The following DNAH2 variants were observed in gnomAD, a reference collection of about 807,000 sequenced individuals.
The protein encoded by DNAH2 is dynein axonemal heavy chain 2.
A neutral mutation model predicts 523.5 loss-of-function variants in DNAH2; 323 were observed. The observed-to-expected ratio is 0.62, with a 90% CI of 0.56 to 0.68. The LOEUF is 0.68. DNAH2 is among the 30% of genes least tolerant of loss of function. DNAH2 has a pLI of 0.00. For synonymous variants in DNAH2, 2,093 were observed against 2,177.4 expected (o/e 0.96, Z 1.08); for missense variants, 4,907 against 5,701.5 (o/e 0.86, Z 4.49).
rs780845379 is a variant in DNAH2 at position 7,816,697 on chromosome 17, T to C, written c.9856T>C (p.Leu3286=). 7 of 1,613,952 alleles carry C rather than the reference T, an allele frequency of 4.3e-6. No individual in the cohort carries two copies. Among genetic ancestry groups the C allele is most frequent in the Non-Finnish European group, 5.9e-6 (7 of 1,179,986 alleles). Residue 3286 remains leucine (L), a synonymous_variant, in exon 64 of 86, where the codon TTG becomes CTG. Coordinates refer to ENST00000572933, the MANE Select transcript of DNAH2 (RefSeq NM_020877.5). ...LERAGMLVSG[L]AGEKARWEET... ...GCGAGCTGGGATGCTCGTGTCGGGGTTGGCTGGCGAGAAGGCCAGATGGGA... is the reference window on the plus strand; with the variant it reads ...GCGAGCTGGGATGCTCGTGTCGGGGCTGGCTGGCGAGAAGGCCAGATGGGA...
At chr17:7,787,229 A>T in intron 42 of DNAH2, 196 bp downstream of exon 42, 1 of 719,460 alleles carries the variant, frequency 1.4e-6, no homozygotes, top group African/African-American at 1.8e-5. Flanking sequence ...GAGAACAATG[A>T]TAAGAAAAAC....
rs192277989 is a variant in DNAH2, at chr17:7,819,777, G to T, written c.11015+369G>T. On this transcript the variant is annotated intron_variant, in intron 72 of 85. Coordinates refer to ENST00000572933, the MANE Select transcript of DNAH2 (RefSeq NM_020877.5). ...CCAACAAGCTCCCAGGGGTGCCACTGCTCCTGGTCTGTGGATCACATTTGA... is the reference window on the plus strand; with the variant it reads ...CCAACAAGCTCCCAGGGGTGCCACTTCTCCTGGTCTGTGGATCACATTTGA... Among the ~76,000 whole-genome samples, 9 of 152,292 alleles carry T rather than the reference G, an allele frequency of 5.9e-5. No individual in the cohort carries two copies. In the East Asian group the frequency reaches 1.7e-3, roughly 29 times the overall value.
Position 7,755,471 on chromosome 17 carries a change from G to A in DNAH2, c.1905-1620G>A, listed in dbSNP as rs78069009. 2.8e-3 allele frequency among the ~76,000 whole-genome samples: 423 copies of A among 152,288 alleles called. 1 individual carries two copies. The highest frequency in any genetic ancestry group is 9.8e-3 in the African/African-American group (408 of 41,542). The stretch of plus-strand genomic sequence containing the variant: ...TGAGACAAAGTGAGTGAGGATTGGC[G>A]AGAGAGTGGCTAAAATAAAGGATAC... On this transcript the variant is annotated intron_variant, in intron 12 of 85. Transcript: ENST00000572933.
intron 21 of DNAH2, 25 bp from the exon 22 acceptor site, chr17:7,766,293 G>A (rs765450531): frequency 6.2e-7 from 1 of 1,603,918 alleles, no homozygotes; most frequent in Non-Finnish European, 8.5e-7. Context: ...GCGGGAAGCT[G>A]AGCTTCATCC....
Position 7,801,692 on chromosome 17 carries a change from C to T in DNAH2, c.8814C>T (p.Asp2938=). 1.9e-6 allele frequency: 3 copies of T among 1,614,112 alleles called. No homozygotes were observed. Among genetic ancestry groups the T allele is most frequent in the Non-Finnish European group, 2.5e-6 (3 of 1,180,040 alleles). ...CTGAGAAGTGCCTCATAGGAGTAGA[C>T]CTGGGAACTCAGGAGAATGTGAGCC... is the stretch of plus-strand genomic sequence containing the variant. ...EVAEKCLIGV[D]LGTQENIHRK... Residue 2938 remains aspartate (D), a synonymous_variant, in exon 57 of 86, where the codon GAC becomes GAT. Coordinates refer to ENST00000572933, the MANE Select transcript of DNAH2 (RefSeq NM_020877.5).
chr17:7,784,505 T>C (rs2076683734), intron 39 of DNAH2, among the ~76,000 whole-genome samples: 4 of 152,008 alleles, frequency 2.6e-5, no homozygotes, highest in Non-Finnish European at 4.4e-5. Context: ...ACTGTACCAC[T>C]GCACTCCAGC....
At chr17:7,727,033 CT>C in intron 3 of DNAH2, 88 bp from the exon 4 acceptor site, 2 of 1,393,144 alleles carry the variant, frequency 1.4e-6, no homozygotes, top group Non-Finnish European at 1.9e-6. Flanking sequence ...CTTCTCTCAT[CT>C]CCCATGTCCT....
chr17:7,772,917 C>T (rs772745946), intron 28 of DNAH2, among the ~76,000 whole-genome samples: 2 of 152,256 alleles, frequency 1.3e-5, no homozygotes, highest in South Asian at 4.1e-4. Context: ...GGACTACAGG[C>T]GTGTGCCACC....
Position 7,723,646 on chromosome 17 carries a change from C to G in DNAH2, c.185C>G (p.Pro62Arg). 6.2e-7 allele frequency: 1 copy of G among 1,613,976 alleles called. No individual in the cohort carries two copies. Among genetic ancestry groups the G allele is most frequent in the Non-Finnish European group, 8.5e-7 (1 of 1,179,960 alleles). The change falls in exon 3 of 86, where the codon CCT (proline) becomes CGT (arginine). Residue 62 changes from proline to arginine, a missense_variant. This residue lies in a region of DNAH2 where 2,806 missense variants were observed against 3,190.8 expected (regional missense o/e 0.88). Transcript: ENST00000572933. ...TTCCTAGAGCCACGGTTGGAGGGAC[C>G]TCAAGCACAGAGTGAAGAATCAGTG... ...KEEPEPRLEG[P>R]QAQSEESVEP...
At position 7,786,880 on chromosome 17, in the gene DNAH2, A is replaced by G. The variant is rs771201903; in HGVS notation, c.6467-17A>G. ...TGAGCGGCTCCCCGGTTTCCTCATC[A>G]CCCACCATCTACTCAGATGAGAAAC... On this transcript the variant is annotated splice_polypyrimidine_tract_variant and intron_variant, in intron 41 of 85. Transcript: ENST00000572933. This position sits in a 1 kb window ranked among gnomAD's most constrained non-coding sequence, Gnocchi z 7.5. The G allele has an allele frequency of 5.6e-6, 9 of 1,614,098 alleles. No homozygotes were observed. The Admixed American group carries it at 1.5e-4, about 27-fold the overall frequency.
Position 7,760,746 on chromosome 17 carries a change from A to C in DNAH2, c.2792A>C (p.Asp931Ala). The change falls in exon 18 of 86, where the codon GAT (aspartate) becomes GCT (alanine). Residue 931 changes from aspartate (D) to alanine (A), a missense_variant. Coordinates refer to ENST00000572933, the MANE Select transcript of DNAH2 (RefSeq NM_020877.5). This position sits in a 1 kb window ranked among gnomAD's most constrained non-coding sequence, Gnocchi z 4.0. ...REPIQTVVEQDEDIKKIQTQI... is the reference protein window; with the variant it reads ...REPIQTVVEQAEDIKKIQTQI... ...CTTTCTTGGTCCTTTGAAGAGCAAG[A>C]TGAGGACATCAAGAAGATCCAGACC... 5.6e-6 allele frequency: 9 copies of C among 1,613,554 alleles called. No homozygotes were observed. The highest frequency in any genetic ancestry group is 7.6e-6 in the Non-Finnish European group (9 of 1,179,688).
chr17:7,754,630 A>T lies in DNAH2; in HGVS notation c.1905-2461A>T, dbSNP rs2075784907. On this transcript the variant is annotated intron_variant, in intron 12 of 85. Coordinates refer to ENST00000572933, the MANE Select transcript of DNAH2 (RefSeq NM_020877.5). This position sits in a 1 kb window ranked among gnomAD's most constrained non-coding sequence, Gnocchi z 4.6. ...GCCCTCGTAAAGCCCAAGGAGGTTA[A>T]GCCCAAGATCCCAAAGGGTGTCAGC... 1.4e-6 allele frequency: 2 copies of T among 1,480,962 alleles called. No individual in the cohort carries two copies. The highest frequency in any genetic ancestry group is 3.4e-5 in the Admixed American group (2 of 59,650). The allele number at this position is 1,480,962 out of a possible 1,614,324, so 91.7% of individuals were successfully genotyped here. A position where few individuals can be genotyped will look rare whatever the true frequency, so the allele number is the denominator to read the frequency against.
At position 7,832,096 on chromosome 17, in the gene DNAH2, A is replaced by G. The variant is rs909525733; in HGVS notation, c.12726+321A>G. ...TTACTGCGGTCATTGTTATGAATGA[A>G]TAGCTGTCGTTGTATGCCTCTTTCC... On this transcript the variant is annotated intron_variant, in intron 82 of 85. Transcript: ENST00000572933. The surrounding 1 kb of genome is among the most constrained non-coding windows in gnomAD (Gnocchi z 4.3). Among the ~76,000 whole-genome samples, 2 of 152,230 alleles carry G rather than the reference A, an allele frequency of 1.3e-5. No homozygotes were observed. Among genetic ancestry groups the G allele is most frequent in the African/African-American group, 4.8e-5 (2 of 41,460 alleles).
chr17:7,786,193 G>T lies in DNAH2; in HGVS notation c.6199G>T (p.Val2067Phe), dbSNP rs746408470. The T allele has an allele frequency of 6.2e-7, 1 of 1,613,570 alleles. No individual in the cohort carries two copies. The highest frequency in any genetic ancestry group is 8.5e-7 in the Non-Finnish European group (1 of 1,179,972). The change falls in exon 40 of 86, where the codon GTT becomes TTT. Residue 2067 changes from valine to phenylalanine, a missense_variant. Physicochemically the swap from Val to Phe is conservative, Grantham distance 50. Around this residue, in one of 3 missense-constraint regions of DNAH2, gnomAD observed 2,806 missense variants for 3,190.8 expected, o/e 0.88. Coordinates refer to ENST00000572933, the MANE Select transcript of DNAH2 (RefSeq NM_020877.5). This position sits in a 1 kb window ranked among gnomAD's most constrained non-coding sequence, Gnocchi z 7.5. ...LQSTPFTLTKVFQLYETKNSR... is the reference protein window; with the variant it reads ...LQSTPFTLTKFFQLYETKNSR... The stretch of plus-strand genomic sequence containing the variant: ...AAGCACGCCGTTCACCCTCACCAAG[G>T]TTTTCCAGTTGTATGAAACCAAGAA...
Position 7,832,457 on chromosome 17 carries a change from C to T in DNAH2, c.12727-122C>T. On this transcript the variant is annotated intron_variant, in intron 82 of 85. Transcript: ENST00000572933. The surrounding 1 kb of genome is among the most constrained non-coding windows in gnomAD (Gnocchi z 4.3). ...TTGGGAGGTGGAGGTTGCAGTGAGC[C>T]AAGATCGTACCACTGCACTCCAGCC... The T allele has an allele frequency of 8.1e-7, 1 of 1,235,386 alleles. No individual in the cohort carries two copies. The highest frequency in any genetic ancestry group is 1.1e-6 in the Non-Finnish European group (1 of 885,648). 76.5% of individuals were successfully genotyped at this position (1,235,386 alleles called of 1,614,324 possible).
At position 7,828,063 on chromosome 17, in the gene DNAH2, T is replaced by G. The variant is rs1384225434; in HGVS notation, c.11854-2237T>G. Reference sequence around the variant, plus strand: ...AATCTTTCCACCTGCACCTCACAGGTGTGTGCCACCACTCTGGCTAATTTT... The same window carrying G: ...AATCTTTCCACCTGCACCTCACAGGGGTGTGCCACCACTCTGGCTAATTTT... On this transcript the variant is annotated intron_variant, in intron 77 of 85. Coordinates refer to ENST00000572933, the MANE Select transcript of DNAH2 (RefSeq NM_020877.5). The surrounding 1 kb of genome is among the most constrained non-coding windows in gnomAD (Gnocchi z 4.1). Among the ~76,000 whole-genome samples, 2 of 151,918 alleles carry G rather than the reference T, an allele frequency of 1.3e-5. No individual in the cohort carries two copies. The highest frequency in any genetic ancestry group is 2.9e-5 in the Non-Finnish European group (2 of 67,982).
chr17:7,818,915 C>T lies in DNAH2; in HGVS notation c.10671-4C>T, dbSNP rs1193550347. The T allele has an allele frequency of 1.2e-6, 2 of 1,611,514 alleles. No homozygotes were observed. The highest frequency in any genetic ancestry group is 2.2e-5 in the South Asian group (2 of 90,986). On this transcript the variant is annotated splice_polypyrimidine_tract_variant and splice_region_variant and intron_variant, in intron 70 of 85. Coordinates refer to ENST00000572933, the MANE Select transcript of DNAH2 (RefSeq NM_020877.5). ...GCTCCATGTGCCTCTGGGCCTCCCC[C>T]TAGGCTGCTGAATGAGGCCACCGGC...
At position 7,804,897 on chromosome 17, in the gene DNAH2, C is replaced by T. The variant is rs970128225; in HGVS notation, c.9184-61C>T. ...TCTCTTTCATCTTTTCCACCAACAC[C>T]GTCACTCCCACCTTTGCCCAAGGCA... On this transcript the variant is annotated intron_variant, in intron 59 of 85. Coordinates refer to ENST00000572933, the MANE Select transcript of DNAH2 (RefSeq NM_020877.5). The T allele has an allele frequency of 3.4e-5, 48 of 1,404,046 alleles. 1 individual carries two copies. In the Admixed American group the frequency reaches 5.4e-4, roughly 16 times the overall value. The allele number at this position is 1,404,046 out of a possible 1,614,324, so 87.0% of individuals were successfully genotyped here.
intron 64 of DNAH2, among the ~76,000 whole-genome samples, 165 bp downstream of exon 64, chr17:7,816,900 G>A (rs1459980982): frequency 6.6e-6 from 1 of 152,156 alleles, no homozygotes; most frequent in Non-Finnish European, 1.5e-5. Flanking sequence ...GCACACCTTT[G>A]GTGAGAGCAA....
Sources: allele counts gnomAD v4.1 joint callset (sites outside exome capture counted in the v4.1 genomes callset), GRCh38; gene constraint gnomAD v4.1.1; regional missense constraint gnomAD v4.1.1; non-coding constraint Gnocchi (gnomAD v3.1); transcripts MANE v1.5; gene names NCBI Gene and HGNC (gene_info 2026-07-23, HGNC 2026-07-21).